The following CSMD1 variants were observed in gnomAD, a reference collection of about 807,000 sequenced individuals.
The protein encoded by CSMD1 is CUB and sushi domain-containing protein 1.
In CSMD1, 213 loss-of-function variants were observed where a neutral mutation model predicts 417.5. The observed-to-expected ratio is 0.51, with a 90% CI of 0.46 to 0.57. The LOEUF (loss-of-function observed/expected upper bound fraction) is 0.57, where lower values mean the gene tolerates loss of function less well. Ranked by LOEUF, CSMD1 falls within the 20% of genes least tolerant of loss-of-function variation. The probability of loss-of-function intolerance (pLI) is 0.00; values close to 1 mark genes in which losing one functional copy is unlikely to be tolerated. For synonymous variants in CSMD1, 2,862 were observed against 1,736.8 expected (o/e 1.65, Z -16.11); for missense variants, 6,923 against 4,529.7 (o/e 1.53, Z -15.17).
At chr8:4,336,982 T>A (rs554778609) in intron 3 of CSMD1, among the ~76,000 whole-genome samples, 1 of 152,216 alleles carries the variant, frequency 6.6e-6, no homozygotes, top group Admixed American at 6.5e-5. Flanking sequence ...TTTGCCGTGT[T>A]TTCTTCCCAG....
chr8:3,234,538 G>C (rs556544386), intron 26 of CSMD1, among the ~76,000 whole-genome samples: 3 of 152,294 alleles, frequency 2.0e-5, no homozygotes, highest in East Asian at 3.9e-4. Context: ...TCAATGGAAA[G>C]AGAGCGGGAA....
intron 5 of CSMD1, among the ~76,000 whole-genome samples, chr8:3,785,232 T>C (rs1363990717): frequency 2.0e-5 from 3 of 152,236 alleles, no homozygotes; most frequent in African/African-American, 7.2e-5. Context: ...TCCATCACAG[T>C]TTGTGAAATG....
Position 4,183,758 on chromosome 8 carries a change from T to C in CSMD1, c.416-151659A>G, listed in dbSNP as rs7824465. Among the ~76,000 whole-genome samples the C allele has an allele frequency of 7.9e-3, 1,207 of 152,222 alleles. 14 individuals are homozygous for C. The highest frequency in any genetic ancestry group is 0.028 in the African/African-American group (1,142 of 41,522). ...TAAAAGATTAGTGAAGCAATATGAG[T>C]ATTTCGTTGATGAAAGCTTTTCTTT... is the stretch of plus-strand genomic sequence containing the variant. On this transcript the variant is annotated intron_variant, in intron 3 of 69. Transcript: ENST00000635120.
chr8:4,154,007 C>G (rs1405107678), intron 3 of CSMD1, among the ~76,000 whole-genome samples: 1 of 152,172 alleles, frequency 6.6e-6, no homozygotes, highest in Admixed American at 6.5e-5. Flanking sequence ...AGCTTTCCAT[C>G]CTCATTTTGC....
At chr8:4,176,371 A>C (rs918413304) in intron 3 of CSMD1, among the ~76,000 whole-genome samples, 2 of 152,006 alleles carry the variant, frequency 1.3e-5, no homozygotes, top group Admixed American at 6.6e-5. Flanking sequence ...AACAATCTAC[A>C]CTCTTAAGCC....
intron 1 of CSMD1, among the ~76,000 whole-genome samples, chr8:4,914,517 G>A (rs560949549): frequency 6.7e-6 from 1 of 150,146 alleles, no homozygotes; most frequent in South Asian, 2.1e-4. Flanking sequence ...TGCGGAGTTT[G>A]CAGTGAGCTG....
intron 1 of CSMD1, among the ~76,000 whole-genome samples, chr8:4,881,299 G>A (rs144964653): frequency 6.6e-6 from 1 of 152,204 alleles, no homozygotes; most frequent in East Asian, 1.9e-4. Context: ...TACAAGGATA[G>A]TGACAATGCA....
At chr8:4,536,167 G>A (rs184884533) in intron 2 of CSMD1, among the ~76,000 whole-genome samples, 77 of 152,218 alleles carry the variant, frequency 5.1e-4, no homozygotes, top group African/African-American at 1.8e-3. Context: ...AGTAAGTAAG[G>A]AGATTTGTTT....
At chr8:3,810,211 T>G (rs118152063) in intron 5 of CSMD1, among the ~76,000 whole-genome samples, 3,090 of 152,234 alleles carry the variant, frequency 0.02, 37 homozygotes, top group South Asian at 0.052. Context: ...GACAGTCTAG[T>G]CTTTGACAGT....
At chr8:4,679,435 C>A (rs1337981013) in intron 1 of CSMD1, among the ~76,000 whole-genome samples, 2 of 152,266 alleles carry the variant, frequency 1.3e-5, no homozygotes, top group African/African-American at 4.8e-5. Context: ...TAATTCCGCC[C>A]TGTTTATTTT....
chr8:3,484,157 A>G (rs1193199719), intron 11 of CSMD1, among the ~76,000 whole-genome samples: 1 of 152,236 alleles, frequency 6.6e-6, no homozygotes, highest in African/African-American at 2.4e-5. Flanking sequence ...ATAAAGTGAG[A>G]AACATCACTC....
At chr8:3,800,730 A>G (rs962768881) in intron 5 of CSMD1, among the ~76,000 whole-genome samples, 8 of 152,098 alleles carry the variant, frequency 5.3e-5, no homozygotes, top group Non-Finnish European at 1.0e-4. Flanking sequence ...TTCTTGAAGG[A>G]AAAGATTAGT....
At position 4,680,981 on chromosome 8, in the gene CSMD1, A is replaced by T. The variant is rs369778764; in HGVS notation, c.86-43423T>A. Among the ~76,000 whole-genome samples the T allele has an allele frequency of 2.6e-3, 351 of 135,234 alleles. 1 individual carries two copies. Among genetic ancestry groups the T allele is most frequent in the African/African-American group, 8.5e-3 (304 of 35,596 alleles). The allele number at this position is 135,234 out of a possible 152,430, so 88.7% of individuals were successfully genotyped here. The stretch of plus-strand genomic sequence containing the variant: ...GTGTGTGTGTGTGTGTGTGTGAGAG[A>T]GAGAGAGAGAGAGAGAGAGAGAATG... On this transcript the variant is annotated intron_variant, in intron 1 of 69. Transcript: ENST00000635120.
At chr8:3,638,947 G>A (rs1797176497) in intron 7 of CSMD1, among the ~76,000 whole-genome samples, 1 of 152,160 alleles carries the variant, frequency 6.6e-6, no homozygotes, top group South Asian at 2.1e-4. Context: ...TCAGCAGTAT[G>A]GGAATTCAGA....
intron 2 of CSMD1, among the ~76,000 whole-genome samples, chr8:4,515,826 T>C (rs1803086483): frequency 6.6e-6 from 1 of 152,190 alleles, no homozygotes; most frequent in African/African-American, 2.4e-5. Context: ...GTTTATTTCT[T>C]CATTGCAGGC....
chr8:3,461,163 T>C (rs575084989), intron 12 of CSMD1, among the ~76,000 whole-genome samples: 2 of 152,272 alleles, frequency 1.3e-5, no homozygotes, highest in East Asian at 1.9e-4. Flanking sequence ...AGAGGGCTCA[T>C]AGCTGCACAC....
intron 42 of CSMD1, among the ~76,000 whole-genome samples, chr8:3,111,623 G>A (rs1210474040): frequency 6.6e-6 from 1 of 152,096 alleles, no homozygotes; most frequent in African/African-American, 2.4e-5. Context: ...CCTGAGGTCA[G>A]GAGTTTGAGA....
At chr8:3,039,495 A>C (rs1810938292) in intron 50 of CSMD1, among the ~76,000 whole-genome samples, 1 of 120,548 alleles carries the variant, frequency 8.3e-6, no homozygotes, top group African/African-American at 3.3e-5. Flanking sequence ...CCTTCTTTCA[A>C]TTCTTCCTTC....
chr8:4,593,818 T>A (rs1800116486), intron 2 of CSMD1, among the ~76,000 whole-genome samples: 1 of 152,172 alleles, frequency 6.6e-6, no homozygotes, highest in Non-Finnish European at 1.5e-5. Context: ...TCAAAAAGCT[T>A]CTAGAGAATG....
Sources: allele counts gnomAD v4.1 joint callset (sites outside exome capture counted in the v4.1 genomes callset), GRCh38; gene constraint gnomAD v4.1.1; transcripts MANE v1.5; gene names NCBI Gene and HGNC (gene_info 2026-07-23, HGNC 2026-07-21).